The following CHMP7 variants were observed in gnomAD, a reference collection of about 807,000 sequenced individuals.
CHMP7 encodes the protein charged multivesicular body protein 7, also known as CHMP family, member 7.
CHMP7 carries 15 observed loss-of-function variants against 53.7 expected under a neutral mutation model. That is an observed-to-expected ratio of 0.28 (90% CI 0.19 to 0.43). The LOEUF (loss-of-function observed/expected upper bound fraction) is 0.43. Among genes scored for constraint, CHMP7 ranks in the 20% least tolerant of loss-of-function variants. CHMP7 has a pLI of 1.00. For synonymous variants in CHMP7, 261 were observed against 228.0 expected (o/e 1.14, Z -1.30); for missense variants, 527 against 569.4 (o/e 0.93, Z 0.76).
intron 4 of CHMP7, 59 bp downstream of exon 4, chr8:23,255,491 T>A (rs1802089392): frequency 6.6e-7 from 1 of 1,513,106 alleles, no homozygotes; most frequent in Non-Finnish European, 9.2e-7. Flanking sequence ...GTACATAGAG[T>A]AGTGAGCCCT....
chr8:23,259,217 G>A, intron 9 of CHMP7, 91 bp downstream of exon 9: 1 of 650,400 alleles, frequency 1.5e-6, no homozygotes, highest in Non-Finnish European at 2.5e-6. Context: ...CGCCCAGGCT[G>A]GAGTGCAGTG....
In CHMP7 at chr8:23,255,427, G is replaced by A; in HGVS notation, c.652G>A (p.Glu218Lys). The A allele has an allele frequency of 1.9e-6, 3 of 1,614,096 alleles. No individual in the cohort carries two copies. The highest frequency in any genetic ancestry group is 2.5e-6 in the Non-Finnish European group (3 of 1,179,934). ...KRVTVLEQNG[E>K]KIVKFARGPR... ...GGTCACAGTCCTCGAGCAGAACGGG[G>A]AGAAGGTATGGAGGCTCATCTGTTC... Residue 218 changes from glutamate to lysine, a missense_variant, in exon 4 of 11, where the codon GAG becomes AAG. Transcript: ENST00000397677.
In CHMP7 at chr8:23,249,193, C is replaced by G; in HGVS notation, c.300-17C>G. The G allele has an allele frequency of 6.4e-7, 1 of 1,556,562 alleles. No homozygotes were observed. Among genetic ancestry groups the G allele is most frequent in the Non-Finnish European group, 8.7e-7 (1 of 1,155,036 alleles). ...GCATTAAGTGCTACTACACGCCCTT[C>G]TTTTTCTTCCCTGCAGTCGAGGGGA... is the stretch of plus-strand genomic sequence containing the variant. On this transcript the variant is annotated splice_polypyrimidine_tract_variant and intron_variant, in intron 2 of 10. Coordinates refer to ENST00000397677, the MANE Select transcript of CHMP7 (RefSeq NM_152272.5).
intron 2 of CHMP7, among the ~76,000 whole-genome samples, chr8:23,248,455 C>T (rs1040061963): frequency 6.6e-6 from 1 of 152,172 alleles, no homozygotes; most frequent in Non-Finnish European, 1.5e-5. Flanking sequence ...TTTGCACCAA[C>T]CTAATAGTTA....
chr8:23,254,734 C>T (rs1036521181), intron 3 of CHMP7: 1 of 192,358 alleles, frequency 5.2e-6, no homozygotes, highest in East Asian at 1.2e-4. Context: ...TTTACAGAGT[C>T]AATAATGTTT....
chr8:23,248,731 C>T (rs182345670), intron 2 of CHMP7, among the ~76,000 whole-genome samples: 13 of 152,316 alleles, frequency 8.5e-5, no homozygotes, highest in Admixed American at 7.2e-4. Context: ...ATAGTTACAT[C>T]GTATCCTCAC....
At chr8:23,256,956 C>T (rs577313088) in intron 5 of CHMP7, among the ~76,000 whole-genome samples, 90 of 151,994 alleles carry the variant, frequency 5.9e-4, no homozygotes, top group Middle Eastern at 3.4e-3. Context: ...CCACGCCTGG[C>T]GAATTTTTTA....
At chr8:23,247,552 C>T (rs905435309) in intron 2 of CHMP7, among the ~76,000 whole-genome samples, 5 of 152,284 alleles carry the variant, frequency 3.3e-5, no homozygotes, top group Non-Finnish European at 5.9e-5. Context: ...CTTAAAAGGT[C>T]TGTAGGAGAT....
chr8:23,255,111 C>CAT (rs1447827730), intron 3 of CHMP7, 136 bp from the exon 4 acceptor site: 6 of 822,446 alleles, frequency 7.3e-6, no homozygotes, highest in African/African-American at 1.7e-5. Context: ...TTTGAAAAGC[C>CAT]GCTACTTTGG....
intron 3 of CHMP7, among the ~76,000 whole-genome samples, chr8:23,254,186 T>C (rs201184416): frequency 3.2e-4 from 14 of 43,444 alleles, no homozygotes; most frequent in African/African-American, 4.4e-4. Flanking sequence ...TCTGCTCAAC[T>C]TTTTTTTTTT....
intron 1 of CHMP7, among the ~76,000 whole-genome samples, chr8:23,245,762 C>G (rs973496899): frequency 3.9e-5 from 6 of 152,154 alleles, no homozygotes; most frequent in Non-Finnish European, 8.8e-5. Flanking sequence ...CTAATGCTTT[C>G]TGTGTGGATG....
intron 2 of CHMP7, 37 bp downstream of exon 2, chr8:23,247,031 G>C: frequency 6.8e-7 from 1 of 1,467,490 alleles, no homozygotes; most frequent in South Asian, 1.4e-5. Context: ...GCGAGGGCGG[G>C]CGGGGGCAGC....
chr8:23,260,462 AG>A, intron 10 of CHMP7, 75 bp from the exon 11 acceptor site: 2 of 1,489,498 alleles, frequency 1.3e-6, no homozygotes, highest in Non-Finnish European at 1.9e-6. Flanking sequence ...ATTAAGACTC[AG>A]TCTCTTAATC....
chr8:23,258,213 T>TA, intron 6 of CHMP7, 117 bp from the exon 7 acceptor site: 5 of 1,503,360 alleles, frequency 3.3e-6, no homozygotes, highest in Non-Finnish European at 4.6e-6. Context: ...CACCACAGCT[T>TA]ATTTTACAGA....
intron 7 of CHMP7, 65 bp downstream of exon 7, chr8:23,258,514 T>C (rs1456033127): frequency 1.3e-6 from 2 of 1,598,538 alleles, no homozygotes; most frequent in Non-Finnish European, 1.7e-6. Context: ...ACTTGCAGCT[T>C]CGGCTTGGCT....
In CHMP7 at chr8:23,260,776, C is replaced by T. The variant is rs2128861173; in HGVS notation, c.*177C>T. ...AGATAGAATTTCTGGAAGCGATGCT[C>T]CAAAGGCTTGCTCCCAGCTGTATCA... On this transcript the variant is annotated 3_prime_UTR_variant, in exon 11 of 11. Coordinates refer to ENST00000397677, the MANE Select transcript of CHMP7 (RefSeq NM_152272.5). 1 of 627,342 alleles carries T rather than the reference C, an allele frequency of 1.6e-6. No individual in the cohort carries two copies. The highest frequency in any genetic ancestry group is 1.8e-5 in the African/African-American group (1 of 54,496). The allele number at this position is 627,342 out of a possible 1,614,324, so 38.9% of individuals were successfully genotyped here. A position where few individuals can be genotyped will look rare whatever the true frequency, so the allele number is the denominator to read the frequency against.
intron 2 of CHMP7, chr8:23,247,983 C>T: frequency 2.3e-6 from 1 of 439,382 alleles, no homozygotes; most frequent in Non-Finnish European, 4.7e-6. Flanking sequence ...ACTTTTGTTC[C>T]CAGTACCTTC....
At position 23,249,341 on chromosome 8, in the gene CHMP7, T is replaced by A. The variant is rs754846276; in HGVS notation, c.431T>A (p.Val144Asp). The change falls in exon 3 of 11, where the codon GTT becomes GAT. Residue 144 changes from valine (V) to aspartate (D), a missense_variant. Val to Asp is a radical substitution (Grantham distance 152). Coordinates refer to ENST00000397677, the MANE Select transcript of CHMP7 (RefSeq NM_152272.5). The part of the protein sequence containing the change: ...TLSNMLGDNK[V>D]PAEEVLVAVE... ...TCTAACATGCTGGGAGATAATAAGGTTCCAGCTGAGGAGGTCCTTGTCGCT... is the reference window on the plus strand; with the variant it reads ...TCTAACATGCTGGGAGATAATAAGGATCCAGCTGAGGAGGTCCTTGTCGCT... 3.7e-5 allele frequency: 60 copies of A among 1,611,532 alleles called. No individual in the cohort carries two copies. Among genetic ancestry groups the A allele is most frequent in the Non-Finnish European group, 4.7e-5 (56 of 1,178,998 alleles).
chr8:23,249,037 G>A (rs1486074630), intron 2 of CHMP7, among the ~76,000 whole-genome samples, 173 bp from the exon 3 acceptor site: 1 of 152,154 alleles, frequency 6.6e-6, no homozygotes, highest in African/African-American at 2.4e-5. Context: ...GTGTTGTGAC[G>A]CTTAGAGCTG....
Sources: allele counts gnomAD v4.1 joint callset (sites outside exome capture counted in the v4.1 genomes callset), GRCh38; gene constraint gnomAD v4.1.1; transcripts MANE v1.5; gene names NCBI Gene and HGNC (gene_info 2026-07-23, HGNC 2026-07-21).